The following CLIC5 variants were observed in gnomAD, a reference collection of about 807,000 sequenced individuals.
CLIC5 encodes chloride intracellular channel protein 5.
CLIC5 carries 20 observed loss-of-function variants against 24.7 expected under a neutral mutation model. That is an observed-to-expected ratio of 0.81 (90% CI 0.57 to 1.18). CLIC5 has a LOEUF of 1.18. Among genes scored for constraint, CLIC5 ranks in the 50% most tolerant of loss-of-function variants. The probability of loss-of-function intolerance (pLI) is 0.00; values close to 1 mark genes in which losing one functional copy is unlikely to be tolerated. For missense variants in CLIC5, 341 were observed against 326.1 expected (o/e 1.05, Z -0.35); for synonymous variants, 159 against 135.6 (o/e 1.17, Z -1.20).
intron 1 of CLIC5, among the ~76,000 whole-genome samples, chr6:46,037,488 T>C (rs148662751): frequency 3.9e-4 from 60 of 152,340 alleles, no homozygotes; most frequent in Non-Finnish European, 7.3e-4. Context: ...TGAACCAAGT[T>C]ACCTTGAAAC....
intron 1 of CLIC5, among the ~76,000 whole-genome samples, chr6:45,965,421 G>A (rs1422045679): frequency 2.0e-5 from 3 of 152,182 alleles, no homozygotes; most frequent in Non-Finnish European, 2.9e-5. Context: ...GATCAGGTCC[G>A]GGACAGATTC....
the CLIC5 span, chr6:46,097,165 G>A: frequency 2.0e-5 from 3 of 152,302 alleles, no homozygotes; most frequent in East Asian, 5.8e-4. Flanking sequence ...GAGTACTGAT[G>A]TCTGTAGTTG....
chr6:46,009,307 G>A (rs1263506468), intron 1 of CLIC5, among the ~76,000 whole-genome samples: 1 of 152,078 alleles, frequency 6.6e-6, no homozygotes, highest in East Asian at 1.9e-4. Flanking sequence ...TGTCCTTAAA[G>A]AATTTCACAT....
the CLIC5 span, among the ~76,000 whole-genome samples, chr6:46,105,150 T>C: frequency 4.9e-4 from 74 of 152,190 alleles, no homozygotes; most frequent in Non-Finnish European, 8.2e-4. Context: ...CAGATGTGGG[T>C]TGTAACACAT....
At chr6:46,017,891 T>C (rs932481686), upstream of CLIC5, among the ~76,000 whole-genome samples, 5 of 152,168 alleles carry the variant, frequency 3.3e-5, no homozygotes, top group Non-Finnish European at 5.9e-5. Flanking sequence ...CAGTGCAAAT[T>C]CCTCCTTCCT....
the CLIC5 span, among the ~76,000 whole-genome samples, chr6:46,111,949 T>A: frequency 6.6e-6 from 1 of 152,132 alleles, no homozygotes; most frequent in Non-Finnish European, 1.5e-5. Context: ...ACTTTCACCT[T>A]CCACCATGAT....
the CLIC5 span, among the ~76,000 whole-genome samples, chr6:46,118,397 C>T: frequency 2.6e-5 from 4 of 152,112 alleles, no homozygotes; most frequent in African/African-American, 9.7e-5. Context: ...TGACATATTT[C>T]ATCATCCAGA....
intron 3 of CLIC5, among the ~76,000 whole-genome samples, chr6:45,947,737 G>A (rs891275599): frequency 6.6e-6 from 1 of 152,166 alleles, no homozygotes; most frequent in South Asian, 2.1e-4. Context: ...GTCCCGGGGA[G>A]GGGGATGGAG....
chr6:46,064,460 C>T (rs1762386433), intron 1 of CLIC5, among the ~76,000 whole-genome samples: 1 of 152,036 alleles, frequency 6.6e-6, no homozygotes, highest in African/African-American at 2.4e-5. Flanking sequence ...ATATTAAATC[C>T]AGACAAATAC....
intron 1 of CLIC5, among the ~76,000 whole-genome samples, chr6:46,021,123 A>G (rs938816899): frequency 7.9e-5 from 12 of 151,814 alleles, no homozygotes; most frequent in Admixed American, 3.3e-4. Context: ...AGCTAAAAAA[A>G]TAGGCAAAAT....
Position 46,063,647 on chromosome 6 carries a change from G to A in CLIC5, c.540+16056C>T, listed in dbSNP as rs149972148. ...CATGTGCATGGGAGAAAACTATCAA[G>A]TATGGGGAAAGAACTAGAGATGCAT... is the stretch of plus-strand genomic sequence containing the variant. On this transcript the variant is annotated intron_variant, in intron 1 of 5. Transcript: ENST00000185206. Among the ~76,000 whole-genome samples the A allele has an allele frequency of 2.2e-3, 337 of 152,278 alleles. 1 individual carries two copies. Among genetic ancestry groups the A allele is most frequent in the African/African-American group, 7.0e-3 (290 of 41,566 alleles).
intron 4 of CLIC5, among the ~76,000 whole-genome samples, chr6:45,936,196 C>CTTTTTTTTT (rs60969238): frequency 6.2e-5 from 5 of 80,238 alleles, no homozygotes; most frequent in African/African-American, 9.9e-5. Context: ...CAACGGCTGA[C>CTTTTTTTTT]TTTTTTTTTT....
the CLIC5 span, among the ~76,000 whole-genome samples, chr6:46,107,044 GA>G: frequency 6.6e-6 from 1 of 152,126 alleles, no homozygotes; most frequent in African/African-American, 2.4e-5. Context: ...ATAAATAAAT[GA>G]GTGCTCATAA....
At chr6:46,015,937 A>T (rs922615367), upstream of CLIC5, 2 of 992,396 alleles carry the variant, frequency 2.0e-6, no homozygotes, top group African/African-American at 1.7e-5. Context: ...CGCGGCGGGG[A>T]CACCCCGGCA....
Position 46,075,556 on chromosome 6 carries a change from G to A in CLIC5, c.540+4147C>T, listed in dbSNP as rs991385412. Among the ~76,000 whole-genome samples the A allele has an allele frequency of 3.3e-5, 5 of 152,132 alleles. No homozygotes were observed. In the East Asian group the frequency reaches 9.6e-4, roughly 29 times the overall value. The stretch of plus-strand genomic sequence containing the variant: ...GCTGTGTTTGCACCATTGCCCTCCA[G>A]CTTGGGCAACAGAGTGAGACCCTGT... On this transcript the variant is annotated intron_variant, in intron 1 of 5. Coordinates refer to the CLIC5 transcript ENST00000185206.
chr6:45,996,268 T>G (rs1766135587), intron 1 of CLIC5, among the ~76,000 whole-genome samples: 1 of 152,156 alleles, frequency 6.6e-6, no homozygotes, highest in Non-Finnish European at 1.5e-5. Flanking sequence ...ATGAGTAGGT[T>G]GCAAAAATTT....
the CLIC5 span, among the ~76,000 whole-genome samples, chr6:46,104,423 G>A: frequency 0.039 from 5,894 of 152,132 alleles, 150 homozygotes; most frequent in Middle Eastern, 0.058. Flanking sequence ...GTTCTCAGGC[G>A]AGTTTGTCTT....
At chr6:46,093,285 A>G in the CLIC5 span, among the ~76,000 whole-genome samples, 1 of 152,118 alleles carries the variant, frequency 6.6e-6, no homozygotes, top group East Asian at 1.9e-4. Context: ...CAATAACCAC[A>G]TCTTATTTAC....
intron 1 of CLIC5, among the ~76,000 whole-genome samples, chr6:45,967,043 A>G (rs910206999): frequency 6.6e-6 from 1 of 152,230 alleles, no homozygotes; most frequent in Non-Finnish European, 1.5e-5. Flanking sequence ...GTACCCAACC[A>G]CATTTGTTCT....
Sources: allele counts gnomAD v4.1 joint callset (sites outside exome capture counted in the v4.1 genomes callset), GRCh38; gene constraint gnomAD v4.1.1; transcripts MANE v1.5; gene names NCBI Gene and HGNC (gene_info 2026-07-23, HGNC 2026-07-21).